LRP6: variants seen among roughly 807,000 people sequenced by gnomAD.
The protein encoded by LRP6 is low-density lipoprotein receptor-related protein 6.
LRP6 carries 43 observed loss-of-function variants against 184.1 expected under a neutral mutation model. The ratio of observed to expected loss-of-function variants is 0.23; its 90% CI spans 0.18 to 0.30. The LOEUF is 0.30. LRP6 is among the 10% of genes least tolerant of loss of function. The pLI is 1.00. For synonymous variants in LRP6, 719 were observed against 684.9 expected, an observed-to-expected ratio of 1.05 and a Z score of -0.78; for missense variants, 1,571 against 2,005.3, an observed-to-expected ratio of 0.78 and a Z score of 4.14.
rs1402877595 is a variant in LRP6 at position 12,131,965 on chromosome 12, A to G, written c.3826T>C (p.Cys1276Arg). 1 of 1,614,180 alleles carries G rather than the reference A, an allele frequency of 6.2e-7. No individual in the cohort carries two copies. The highest frequency in any genetic ancestry group is 8.5e-7 in the Non-Finnish European group (1 of 1,180,032). Residue 1276 changes from cysteine (C) to arginine (R), a missense_variant, in exon 18 of 23, where the codon TGT (cysteine) becomes CGT (arginine). Around this residue, in one of 4 missense-constraint regions of LRP6, gnomAD observed 763 missense variants for 859.5 expected, o/e 0.89. Coordinates refer to ENST00000261349, the MANE Select transcript of LRP6 (RefSeq NM_002336.3). ...VAWRCDGFTECEDHSDELNCP... is the reference protein window; with the variant it reads ...VAWRCDGFTEREDHSDELNCP... ...TTGAGTTCATCACTGTGGTCTTCAC[A>G]TTCAGTAAACCCATCGCACCGCCAA...
intron 3 of LRP6, among the ~76,000 whole-genome samples, chr12:12,189,269 T>A (rs1397459555): frequency 2.0e-5 from 3 of 152,210 alleles, no homozygotes; most frequent in Non-Finnish European, 2.9e-5. Flanking sequence ...TAATAATCTA[T>A]CCTCACTGCG....
At chr12:12,191,710 A>G (rs1863620055) in intron 3 of LRP6, among the ~76,000 whole-genome samples, 1 of 152,140 alleles carries the variant, frequency 6.6e-6, no homozygotes, top group Admixed American at 6.5e-5. Context: ...GAACAACACA[A>G]ATTAGAATCA....
At position 12,244,481 on chromosome 12, in the gene LRP6, C is replaced by T. The variant is rs74887171; in HGVS notation, c.230G>A (p.Arg77Gln). ...ACTCTCAGTTTTGTTAAATTCTGTT[C>T]GTTTAATGGCTTCTTCGCTGACATC... ...WSDVSEEAIKRTEFNKTESVQ... is the reference protein window; with the variant it reads ...WSDVSEEAIKQTEFNKTESVQ... The change falls in exon 2 of 23, where the codon CGA (arginine) becomes CAA (glutamine). Residue 77 changes from arginine to glutamine, a missense_variant. This residue lies in a region of LRP6 where 640 missense variants were observed against 851.9 expected (regional missense o/e 0.75). Transcript: ENST00000261349. The T allele has an allele frequency of 1.5e-5, 24 of 1,614,168 alleles. No individual in the cohort carries two copies. The East Asian group carries it at 4.0e-4, about 27-fold the overall frequency.
chr12:12,207,603 G>T (rs1433470539), intron 2 of LRP6, among the ~76,000 whole-genome samples: 1 of 152,028 alleles, frequency 6.6e-6, no homozygotes, highest in Non-Finnish European at 1.5e-5. Context: ...TCTGGTGGGG[G>T]CAAGCAACAA....
intron 1 of LRP6, among the ~76,000 whole-genome samples, chr12:12,249,980 T>A (rs1003502607): frequency 1.3e-5 from 2 of 152,242 alleles, no homozygotes; most frequent in African/African-American, 4.8e-5. Context: ...TGACAATTAC[T>A]GTCTTGTTGA....
Position 12,125,315 on chromosome 12 carries a change from T to A in LRP6, c.4430A>T (p.Lys1477Ile). 1 of 1,614,076 alleles carries A rather than the reference T, an allele frequency of 6.2e-7. No individual in the cohort carries two copies. Among genetic ancestry groups the A allele is most frequent in the East Asian group, 2.2e-5 (1 of 44,868 alleles). The change falls in exon 21 of 23, where the codon AAA becomes ATA. Residue 1477 changes from lysine (K) to isoleucine (I), a missense_variant. By Grantham distance (102) the Lys-to-Ile change is moderately radical (BLOSUM62 -3). Around this residue, in one of 4 missense-constraint regions of LRP6, gnomAD observed 763 missense variants for 859.5 expected, o/e 0.89. Coordinates refer to ENST00000261349, the MANE Select transcript of LRP6 (RefSeq NM_002336.3). ...ACTTACTGCAGGGAAGTAAGTGCCT[T>A]TGGTGCTTGAAGAACTACTTGATGA... ...GASSSSSSST[K>I]GTYFPAILNP...
intron 2 of LRP6, among the ~76,000 whole-genome samples, chr12:12,215,733 C>T (rs752211773): frequency 3.6e-4 from 54 of 151,640 alleles, no homozygotes; most frequent in Non-Finnish European, 6.2e-4. Flanking sequence ...TATTTGTGGC[C>T]AGGCGTGGTG....
In LRP6 at chr12:12,135,346, G is replaced by GGGGAGAGAAGT. The variant is rs200834502; in HGVS notation, c.3608-57_3608-47dup. On this transcript the variant is annotated intron_variant, in intron 16 of 22. Coordinates refer to ENST00000261349, the MANE Select transcript of LRP6 (RefSeq NM_002336.3). ...GATGGGGAGAGGAGGGGGAGTGGAG[G>GGGGAGAGAAGT]GGGAGAGAAGTGGGAGAGAAGAGAA... 1.8e-3 allele frequency: 2,459 copies of GGGGAGAGAAGT among 1,387,520 alleles called. 50 individuals are homozygous for GGGGAGAGAAGT. The African/African-American group carries it at 0.031, about 17-fold the overall frequency. 86.0% of individuals were successfully genotyped at this position (1,387,520 alleles called of 1,614,324 possible).
intron 15 of LRP6, among the ~76,000 whole-genome samples, chr12:12,142,571 G>GTTGATTTT (rs1270218180): frequency 6.6e-6 from 1 of 151,950 alleles, no homozygotes; most frequent in Non-Finnish European, 1.5e-5. Context: ...CAACTTGACA[G>GTTGATTTT]TAACCTTTTT....
At chr12:12,263,253 G>A (rs1202810891) in intron 1 of LRP6, among the ~76,000 whole-genome samples, 4 of 129,710 alleles carry the variant, frequency 3.1e-5, no homozygotes, top group Non-Finnish European at 4.8e-5. Context: ...CAACAAGAGC[G>A]AAACTCTGTC....
intron 3 of LRP6, among the ~76,000 whole-genome samples, chr12:12,190,712 T>A (rs910923967): frequency 6.6e-6 from 1 of 152,200 alleles, no homozygotes; most frequent in Non-Finnish European, 1.5e-5. Flanking sequence ...CCCACTTGTG[T>A]GAGTAATAAA....
intron 2 of LRP6, among the ~76,000 whole-genome samples, chr12:12,224,412 A>G (rs549213516): frequency 8.6e-5 from 13 of 152,000 alleles, no homozygotes; most frequent in African/African-American, 3.1e-4. Context: ...CTCCATGCAC[A>G]TACCACCTTT....
At chr12:12,223,377 GGAATGA>G (rs1864539458) in intron 2 of LRP6, among the ~76,000 whole-genome samples, 1 of 152,034 alleles carries the variant, frequency 6.6e-6, no homozygotes, top group South Asian at 2.1e-4. Context: ...TTTCCCCTTG[GGAATGA>G]TGGCTAAGGT....
rs1475168477 is a variant in LRP6, at chr12:12,119,988, AAAATATATAT to A, written c.*1128_*1137del. On this transcript the variant is annotated 3_prime_UTR_variant, in exon 23 of 23. Coordinates refer to ENST00000261349, the MANE Select transcript of LRP6 (RefSeq NM_002336.3). ...TTACTCAGAAAACAAACAAACAAAC[AAAATATATAT>A]ATATATATATATATATATATATATA... 1 of 97,044 alleles carries A rather than the reference AAAATATATAT, an allele frequency of 1.0e-5. No individual in the cohort carries two copies. Among genetic ancestry groups the A allele is most frequent in the African/African-American group, 3.9e-5 (1 of 25,450 alleles). The allele number at this position is 97,044 out of a possible 1,614,324, so 6.0% of individuals were successfully genotyped here. A position where few individuals can be genotyped will look rare whatever the true frequency, so the allele number is the denominator to read the frequency against.
intron 3 of LRP6, among the ~76,000 whole-genome samples, chr12:12,194,617 A>C (rs1863706390): frequency 6.6e-6 from 1 of 152,138 alleles, no homozygotes; most frequent in Admixed American, 6.5e-5. Context: ...CTGGTACATA[A>C]TAATTACACA....
At chr12:12,167,897 C>T (rs774440002) in intron 7 of LRP6, among the ~76,000 whole-genome samples, 9 of 151,864 alleles carry the variant, frequency 5.9e-5, no homozygotes, top group Non-Finnish European at 1.3e-4. Context: ...AAGACCAAAA[C>T]AACCACTCAC....
chr12:12,251,590 G>T (rs964186044), intron 1 of LRP6, among the ~76,000 whole-genome samples: 1 of 151,664 alleles, frequency 6.6e-6, no homozygotes, highest in Non-Finnish European at 1.5e-5. Flanking sequence ...GGATGGTCTC[G>T]ATCTCCTGAC....
chr12:12,162,645 A>C (rs1347257959), intron 9 of LRP6, among the ~76,000 whole-genome samples: 1 of 152,206 alleles, frequency 6.6e-6, no homozygotes, highest in Non-Finnish European at 1.5e-5. Context: ...AAATTTTAAA[A>C]CTCTAATGCA....
intron 1 of LRP6, among the ~76,000 whole-genome samples, chr12:12,258,586 G>C (rs377171660): frequency 2.0e-5 from 3 of 152,180 alleles, no homozygotes; most frequent in East Asian, 3.9e-4. Context: ...CATATAAAGG[G>C]GAAAAAGGTC....
Sources: allele counts gnomAD v4.1 joint callset (sites outside exome capture counted in the v4.1 genomes callset), GRCh38; gene constraint gnomAD v4.1.1; regional missense constraint gnomAD v4.1.1; transcripts MANE v1.5; gene names NCBI Gene and HGNC (gene_info 2026-07-23, HGNC 2026-07-21).